Variants in MRC1 observed in about 807,000 individuals in gnomAD.
MRC1 encodes the protein macrophage mannose receptor 1.
MRC1 carries 62 observed loss-of-function variants against 102.9 expected under a neutral mutation model. That is an observed-to-expected ratio of 0.60 (90% confidence interval 0.49 to 0.74). The LOEUF is 0.74. Among genes scored for constraint, MRC1 ranks in the 30% least tolerant of loss-of-function variants. The pLI is 0.00. For missense variants in MRC1, 1,237 were observed against 862.8 expected (o/e 1.43, Z -5.43); for synonymous variants, 457 against 298.4 (o/e 1.53, Z -5.48).
intron 10 of MRC1, 128 bp downstream of exon 10, chr10:17,861,630 A>C: frequency 1.6e-6 from 1 of 626,864 alleles, no homozygotes; most frequent in Admixed American, 2.8e-5. Flanking sequence ...TAAAGATAGA[A>C]GCATTAAAAA....
chr10:17,840,343 T>G (rs1838732657), intron 4 of MRC1, among the ~76,000 whole-genome samples: 1 of 152,152 alleles, frequency 6.6e-6, no homozygotes, highest in Admixed American at 6.5e-5. Context: ...AAATATGCAG[T>G]GGAGGTAACA....
At chr10:17,871,940 A>G in intron 14 of MRC1, 42 bp from the exon 15 acceptor site, 1 of 775,480 alleles carries the variant, frequency 1.3e-6, no homozygotes, top group Middle Eastern at 2.3e-4. Flanking sequence ...CATTGGCTTG[A>G]TACAAATGGT....
chr10:17,814,818 C>T (rs895246140), intron 1 of MRC1, among the ~76,000 whole-genome samples: 2 of 151,630 alleles, frequency 1.3e-5, no homozygotes, highest in South Asian at 2.1e-4. Flanking sequence ...GCGTGCACCA[C>T]CCTGCCAGGC....
chr10:17,885,577 T>A (rs1445661381), intron 22 of MRC1, 142 bp downstream of exon 22: 14 of 670,322 alleles, frequency 2.1e-5, no homozygotes, highest in Admixed American at 7.4e-5. Context: ...TATTTCAGAC[T>A]GAGCTGACTT....
chr10:17,853,200 A>T (rs1358825061), intron 8 of MRC1, 76 bp downstream of exon 8: 1 of 768,674 alleles, frequency 1.3e-6, no homozygotes, highest in Non-Finnish European at 2.4e-6. Flanking sequence ...TCAGTTACAT[A>T]TGTTTGTTTA....
At chr10:17,816,435 C>T (rs1015753513) in intron 1 of MRC1, among the ~76,000 whole-genome samples, 10 of 151,990 alleles carry the variant, frequency 6.6e-5, no homozygotes, top group African/African-American at 9.7e-5. Context: ...GAGCTCTGGG[C>T]GACGGTGTGG....
At chr10:17,815,323 C>CAT (rs1246395164) in intron 1 of MRC1, among the ~76,000 whole-genome samples, 3 of 152,122 alleles carry the variant, frequency 2.0e-5, no homozygotes, top group Non-Finnish European at 2.9e-5. Context: ...TGACATGATA[C>CAT]ATACATAAGG....
At chr10:17,853,253 A>G in intron 8 of MRC1, 129 bp downstream of exon 8, 2 of 702,458 alleles carry the variant, frequency 2.8e-6, no homozygotes, top group Non-Finnish European at 2.6e-6. Flanking sequence ...TCAAAGGTGA[A>G]CCAAAATTCA....
chr10:17,850,234 T>A (rs1223519500), intron 7 of MRC1, among the ~76,000 whole-genome samples: 3 of 149,014 alleles, frequency 2.0e-5, no homozygotes, highest in African/African-American at 7.4e-5. Flanking sequence ...TGGGAGGGTG[T>A]TGAACAGTGA....
At chr10:17,839,292 C>G (rs1403556977) in intron 4 of MRC1, among the ~76,000 whole-genome samples, 8 of 152,134 alleles carry the variant, frequency 5.3e-5, no homozygotes, top group Admixed American at 2.0e-4. Flanking sequence ...TACTTCAGTT[C>G]TTCTTTAATC....
chr10:17,903,398 T>C lies in MRC1; in HGVS notation c.3799+1276T>C, dbSNP rs1371079347. ...TTTTCTTTTCTTTTTTTTTCTTTTT[T>C]TTTTTTTTTTTTTTTGAGACAGAGT... On this transcript the variant is annotated intron_variant, in intron 26 of 29. Coordinates refer to ENST00000569591, the MANE Select transcript of MRC1 (RefSeq NM_002438.4). 3.3e-4 allele frequency among the ~76,000 whole-genome samples: 45 copies of C among 136,180 alleles called. 1 individual carries two copies. Among genetic ancestry groups the C allele is most frequent in the Admixed American group, 1.0e-3 (14 of 13,732 alleles). The allele number at this position is 136,180 out of a possible 152,430, so 89.3% of individuals were successfully genotyped here.
chr10:17,838,659 T>C (rs1299576212), intron 4 of MRC1, among the ~76,000 whole-genome samples: 2 of 151,954 alleles, frequency 1.3e-5, no homozygotes, highest in African/African-American at 4.8e-5. Context: ...TTTCAGACAA[T>C]ATATGCAGAA....
chr10:17,903,355 C>T (rs1379611304), intron 26 of MRC1, among the ~76,000 whole-genome samples: 3 of 149,866 alleles, frequency 2.0e-5, no homozygotes, highest in Non-Finnish European at 3.0e-5. Context: ...TTCTTGTGTA[C>T]CATCATTTTA....
intron 25 of MRC1, 51 bp from the exon 26 acceptor site, chr10:17,901,922 A>G: frequency 1.3e-6 from 1 of 780,840 alleles, no homozygotes; most frequent in Non-Finnish European, 2.4e-6. Flanking sequence ...GATGCTACAC[A>G]CTACAGAAAC....
At chr10:17,901,589 T>G (rs1297610641) in intron 25 of MRC1, among the ~76,000 whole-genome samples, 1 of 151,858 alleles carries the variant, frequency 6.6e-6, no homozygotes, top group Non-Finnish European at 1.5e-5. Flanking sequence ...CTCGGGAGGC[T>G]GAGGCAGGAG....
chr10:17,870,836 T>G lies in MRC1; in HGVS notation c.2112-12T>G. 2.3e-6 allele frequency: 2 copies of G among 872,386 alleles called. No homozygotes were observed. The allele number at this position is 872,386 out of a possible 1,614,324, so 54.0% of individuals were successfully genotyped here. On this transcript the variant is annotated splice_polypyrimidine_tract_variant and intron_variant, in intron 13 of 29. Transcript: ENST00000569591. ...AATAGCATATGCTTTCTTTATGTTT[T>G]GGATTTCATAGAGCTAGTGGAAGCT...
intron 8 of MRC1, among the ~76,000 whole-genome samples, chr10:17,853,955 G>T (rs895282595): frequency 5.2e-4 from 79 of 151,738 alleles, no homozygotes; most frequent in African/African-American, 1.9e-3. Context: ...TTTTTTTTTT[G>T]TTGTTGTTGT....
At chr10:17,826,646 T>C (rs949327041) in intron 2 of MRC1, among the ~76,000 whole-genome samples, 2 of 152,256 alleles carry the variant, frequency 1.3e-5, no homozygotes, top group African/African-American at 4.8e-5. Context: ...CTGGACAATG[T>C]AGCTATGTGC....
chr10:17,839,188 CT>C (rs1431398516), intron 4 of MRC1, among the ~76,000 whole-genome samples: 3 of 152,088 alleles, frequency 2.0e-5, no homozygotes, highest in Non-Finnish European at 4.4e-5. Context: ...GTACTTAGAG[CT>C]GGTAAAAGAT....
Sources: gnomAD v4.1 joint callset for allele counts (sites outside exome capture counted in the v4.1 genomes callset) on GRCh38, gnomAD v4.1.1 for gene constraint, MANE v1.5 for transcripts, NCBI Gene and HGNC (gene_info 2026-07-23, HGNC 2026-07-21) for gene names.